CD99: variants seen among roughly 807,000 people sequenced by gnomAD.
The protein encoded by CD99 is CD99 molecule (Xg blood group), also known as CD99 antigen.
Under a neutral mutation model 28.4 loss-of-function variants are expected in CD99, and 19 were observed. The observed-to-expected ratio is 0.67, with a 90% confidence interval of 0.47 to 0.98. The LOEUF (loss-of-function observed/expected upper bound fraction) is 0.98, where lower values mean the gene tolerates loss of function less well. Ranked by LOEUF, CD99 falls within the 50% of genes least tolerant of loss-of-function variation. The pLI is 0.00. For synonymous variants in CD99, 103 were observed against 92.1 expected (o/e 1.12, Z -0.67); for missense variants, 283 against 248.8 (o/e 1.14, Z -0.92).
intron 7 of CD99, among the ~76,000 whole-genome samples, chrX:2,725,602 C>G (rs903088146): frequency 1.3e-5 from 2 of 151,914 alleles, no homozygotes; most frequent in Non-Finnish European, 2.9e-5. Context: ...ATGTCCAGCT[C>G]TCTCTTTCTT....
At chrX:2,727,729 G>A (rs1450230692) in intron 8 of CD99, among the ~76,000 whole-genome samples, 4 of 152,100 alleles carry the variant, frequency 2.6e-5, no homozygotes, top group African/African-American at 4.8e-5. Context: ...CACCCGCCTC[G>A]GCCTCCCAAA....
At chrX:2,732,166 T>TA (rs1344617607) in intron 8 of CD99, among the ~76,000 whole-genome samples, 2 of 152,084 alleles carry the variant, frequency 1.3e-5, no homozygotes, top group African/African-American at 4.8e-5. Flanking sequence ...GTCCATGTGA[T>TA]ACGAAGGGGC....
intron 8 of CD99, chrX:2,737,909 T>C (rs2050027193): frequency 3.2e-6 from 2 of 625,130 alleles, no homozygotes; most frequent in Non-Finnish European, 5.9e-6. Context: ...TGTTCCTCAG[T>C]GTTTAGGGAG....
intron 8 of CD99, chrX:2,733,174 T>A (rs1024993493): frequency 1.2e-5 from 2 of 165,686 alleles, no homozygotes; most frequent in Admixed American, 6.6e-5. Flanking sequence ...CCTCCACTCC[T>A]TAATTTTGGT....
At chrX:2,707,201 A>G (rs1031611155) in intron 1 of CD99, among the ~76,000 whole-genome samples, 4 of 152,070 alleles carry the variant, frequency 2.6e-5, no homozygotes, top group Non-Finnish European at 5.9e-5. Context: ...GTGGTGGCAC[A>G]TGCCCATAGT....
At chrX:2,711,409 GTAT>G (rs905021996) in intron 1 of CD99, among the ~76,000 whole-genome samples, 20 of 124,912 alleles carry the variant, frequency 1.6e-4, no homozygotes, top group African/African-American at 2.9e-4. Flanking sequence ...GTATGTGTGT[GTAT>G]TATATATATA....
At chrX:2,726,459 G>T in intron 8 of CD99, 86 bp downstream of exon 8, 1 of 873,172 alleles carries the variant, frequency 1.1e-6, no homozygotes, top group South Asian at 1.4e-5. Context: ...ACCAAACTCG[G>T]GCTGGCACGA....
chrX:2,721,765 C>T lies in CD99; in HGVS notation c.263-862C>T, dbSNP rs1440885360. ...GATAATCATGTACTATTACATACTA[C>T]ATATATAATTATATTCTTCCTGTAA... On this transcript the variant is annotated intron_variant, in intron 5 of 9. Coordinates refer to ENST00000381192, the MANE Select transcript of CD99 (RefSeq NM_002414.5). Among the ~76,000 whole-genome samples the T allele has an allele frequency of 3.9e-5, 6 of 152,212 alleles. No homozygotes were observed. In the South Asian group the frequency reaches 1.2e-3, roughly 32 times the overall value.
At chrX:2,711,207 C>A (rs766901734) in intron 1 of CD99, among the ~76,000 whole-genome samples, 6 of 146,986 alleles carry the variant, frequency 4.1e-5, no homozygotes, top group African/African-American at 1.2e-4. Context: ...GTATTCCCAG[C>A]AAGTCAGGGC....
chrX:2,731,791 C>T (rs311088), intron 8 of CD99, among the ~76,000 whole-genome samples: 82,946 of 151,614 alleles, frequency 0.55, 22,797 homozygotes, highest in Middle Eastern at 0.61. Context: ...TTATCAAATC[C>T]TGTGACTTGA....
chrX:2,741,158 G>A lies in CD99; in HGVS notation c.*354G>A, dbSNP rs1312383049. 3.1e-5 allele frequency: 10 copies of A among 320,628 alleles called. No individual in the cohort carries two copies. The highest frequency in any genetic ancestry group is 2.6e-4 in the South Asian group (3 of 11,436). 19.9% of individuals were successfully genotyped at this position (320,628 alleles called of 1,614,324 possible). ...AGAATCTTGGCTGTTTACAAATCAC[G>A]TGTCCATCGAGCACGTCTGAAACCC... On this transcript the variant is annotated 3_prime_UTR_variant, in exon 10 of 10. Coordinates refer to ENST00000381192, the MANE Select transcript of CD99 (RefSeq NM_002414.5).
chrX:2,731,755 G>A (rs755836712), intron 8 of CD99, among the ~76,000 whole-genome samples: 3 of 151,994 alleles, frequency 2.0e-5, no homozygotes, highest in South Asian at 2.1e-4. Flanking sequence ...GTGAGTCTTC[G>A]GCATCTTTCC....
At chrX:2,721,436 C>T (rs1283923911) in intron 5 of CD99, among the ~76,000 whole-genome samples, 1 of 152,074 alleles carries the variant, frequency 6.6e-6, no homozygotes, top group Non-Finnish European at 1.5e-5. Context: ...GCTGGGGCTA[C>T]AGGCACACAG....
chrX:2,725,497 C>T (rs919498152), intron 7 of CD99, among the ~76,000 whole-genome samples: 49 of 152,340 alleles, frequency 3.2e-4, no homozygotes, highest in African/African-American at 1.1e-3. Context: ...AAGGAGCATT[C>T]TAACGATACA....
chrX:2,738,354 A>G, intron 9 of CD99, 98 bp downstream of exon 9: 1 of 1,202,848 alleles, frequency 8.3e-7, no homozygotes, highest in African/African-American at 1.5e-5. Context: ...CACATTCTCA[A>G]ATTTGGTTGC....
rs765231623 is a variant in CD99 at position 2,740,813 on chromosome X, C to T, written c.*9C>T. The T allele has an allele frequency of 1.2e-5, 20 of 1,613,774 alleles. No individual in the cohort carries two copies. The highest frequency in any genetic ancestry group is 4.0e-5 in the African/African-American group (3 of 74,890). Reference sequence around the variant, plus strand: ...CTCTTTTAGAGAAATAGAAGATTGTCGGCAGAAACAGCCCAGGCGTTGGCA... The same window carrying T: ...CTCTTTTAGAGAAATAGAAGATTGTTGGCAGAAACAGCCCAGGCGTTGGCA... On this transcript the variant is annotated 3_prime_UTR_variant, in exon 10 of 10. Transcript: ENST00000381192.
At chrX:2,728,163 G>C (rs1338291700) in intron 8 of CD99, among the ~76,000 whole-genome samples, 1 of 151,272 alleles carries the variant, frequency 6.6e-6, no homozygotes, top group South Asian at 2.1e-4. Flanking sequence ...CCTCCTACCT[G>C]GTGGGCAGAC....
chrX:2,719,852 CTTGCTG>C, intron 4 of CD99, 147 bp downstream of exon 4: 1 of 831,608 alleles, frequency 1.2e-6, no homozygotes, highest in Non-Finnish European at 2.1e-6. Flanking sequence ...TCGGTTTGTT[CTTGCTG>C]TTGTCGTTGG....
chrX:2,716,504 G>C (rs952561760), intron 2 of CD99, among the ~76,000 whole-genome samples: 8 of 151,930 alleles, frequency 5.3e-5, no homozygotes, highest in African/African-American at 1.9e-4. Context: ...ACCTGGTACA[G>C]TGAGCAACAC....
Sources: allele counts gnomAD v4.1 joint callset (sites outside exome capture counted in the v4.1 genomes callset), GRCh38; gene constraint gnomAD v4.1.1; transcripts MANE v1.5; gene names NCBI Gene and HGNC (gene_info 2026-07-23, HGNC 2026-07-21).